Variants in EYS observed in about 807,000 individuals in gnomAD.
The protein encoded by EYS is EGF-like photoreceptor maintenance factor.
Under a neutral mutation model 282.1 loss-of-function variants are expected in EYS, and 250 were observed. The ratio of observed to expected loss-of-function variants is 0.89; its 90% confidence interval spans 0.80 to 0.98. The LOEUF (loss-of-function observed/expected upper bound fraction) is 0.98, where lower values mean the gene tolerates loss of function less well. Ranked by LOEUF, EYS falls within the 50% of genes least tolerant of loss-of-function variation. The pLI, the probability that EYS is intolerant of heterozygous loss-of-function variation, is 0.00. For missense variants in EYS, 4,016 were observed against 3,709.0 expected (o/e 1.08, Z -2.15); for synonymous variants, 1,355 against 1,282.9 (o/e 1.06, Z -1.20).
At chr6:64,281,513 T>C (rs980477183) in intron 30 of EYS, among the ~76,000 whole-genome samples, 1 of 152,134 alleles carries the variant, frequency 6.6e-6, no homozygotes, top group Non-Finnish European at 1.5e-5. Context: ...GTATTTATAG[T>C]AAAGACTGAC....
chr6:64,873,062 T>C (rs1194580299), intron 19 of EYS, among the ~76,000 whole-genome samples: 1 of 152,052 alleles, frequency 6.6e-6, no homozygotes, highest in African/African-American at 2.4e-5. Context: ...TATTAGACTG[T>C]TTTTACACTG....
At chr6:65,547,181 A>G (rs113321133) in intron 2 of EYS, among the ~76,000 whole-genome samples, 1 of 150,622 alleles carries the variant, frequency 6.6e-6, no homozygotes, top group African/African-American at 2.4e-5. Context: ...CTTATGCAAA[A>G]TGTTCTTTAT....
intron 2 of EYS, among the ~76,000 whole-genome samples, chr6:65,512,460 T>C (rs1218910143): frequency 7.1e-6 from 1 of 140,070 alleles, no homozygotes; most frequent in East Asian, 2.1e-4. Context: ...CTGCACTCCA[T>C]CCAGTCTGGG....
At chr6:65,011,932 A>G (rs1771885490) in intron 13 of EYS, among the ~76,000 whole-genome samples, 2 of 152,114 alleles carry the variant, frequency 1.3e-5, no homozygotes, top group Non-Finnish European at 2.9e-5. Flanking sequence ...TTTGTATGGG[A>G]GCTCTGTTTT....
chr6:63,960,944 T>C (rs978991430), intron 35 of EYS, among the ~76,000 whole-genome samples: 1 of 152,188 alleles, frequency 6.6e-6, no homozygotes, highest in African/African-American at 2.4e-5. Context: ...GTTTCCAAGG[T>C]ATGTCTGTAA....
At chr6:64,461,227 C>T (rs1775733971) in intron 26 of EYS, among the ~76,000 whole-genome samples, 1 of 152,134 alleles carries the variant, frequency 6.6e-6, no homozygotes, top group Non-Finnish European at 1.5e-5. Flanking sequence ...TTTTGGTTAT[C>T]TAAAAATCTA....
intron 5 of EYS, among the ~76,000 whole-genome samples, chr6:65,475,554 A>G (rs1217961665): frequency 6.6e-6 from 1 of 152,166 alleles, no homozygotes; most frequent in Non-Finnish European, 1.5e-5. Context: ...CCAGATCATT[A>G]CTTTTCTATG....
Position 65,033,003 on chromosome 6 carries a change from C to G in EYS, c.2137+24611G>C, listed in dbSNP as rs955549059. Among the ~76,000 whole-genome samples, 5 of 152,292 alleles carry G rather than the reference C, an allele frequency of 3.3e-5. No homozygotes were observed. The South Asian group carries it at 1.0e-3, about 32-fold the overall frequency. On this transcript the variant is annotated intron_variant, in intron 13 of 42. Coordinates refer to ENST00000503581, the MANE Select transcript of EYS (RefSeq NM_001142800.2). ...ACTTATTGAGAACTGAAGCAAAGGT[C>G]ACATGTGTTATGCCCTAGCAAAGAG...
intron 2 of EYS, among the ~76,000 whole-genome samples, chr6:65,604,297 A>T (rs902827381): frequency 7.9e-5 from 12 of 151,970 alleles, no homozygotes; most frequent in African/African-American, 2.9e-4. Flanking sequence ...TTCCGATCAC[A>T]TTTGAATTAG....
intron 36 of EYS, among the ~76,000 whole-genome samples, chr6:63,832,205 A>G (rs1401463050): frequency 1.3e-5 from 2 of 152,226 alleles, no homozygotes; most frequent in Non-Finnish European, 2.9e-5. Flanking sequence ...AAGGCAAGAA[A>G]TAACTAAGAT....
intron 12 of EYS, among the ~76,000 whole-genome samples, chr6:65,264,119 A>G (rs1767690311): frequency 1.3e-5 from 2 of 152,066 alleles, no homozygotes; most frequent in Non-Finnish European, 2.9e-5. Context: ...TAAAAAAATT[A>G]ATCAACCTGC....
intron 31 of EYS, among the ~76,000 whole-genome samples, chr6:64,129,642 C>T (rs1392748786): frequency 6.6e-6 from 1 of 152,088 alleles, no homozygotes; most frequent in Non-Finnish European, 1.5e-5. Flanking sequence ...TAATTAGATC[C>T]CATTTGTCAA....
intron 11 of EYS, among the ~76,000 whole-genome samples, chr6:65,323,090 G>A (rs985119469): frequency 2.0e-5 from 3 of 147,736 alleles, no homozygotes; most frequent in African/African-American, 7.6e-5. Flanking sequence ...AATGGATATA[G>A]GAATAAATAC....
intron 31 of EYS, among the ~76,000 whole-genome samples, chr6:64,151,190 C>T (rs764562576): frequency 1.9e-4 from 29 of 150,602 alleles, no homozygotes; most frequent in Middle Eastern, 3.4e-3. Context: ...TATTAAAATA[C>T]TCTGCTGCAT....
intron 41 of EYS, chr6:63,745,071 T>C (rs1386865449): frequency 2.7e-5 from 11 of 406,686 alleles, no homozygotes; most frequent in Non-Finnish European, 5.2e-5. Context: ...AAAAAGAAAA[T>C]AGAAGCTAAA....
intron 30 of EYS, among the ~76,000 whole-genome samples, chr6:64,237,333 T>C (rs1766646684): frequency 6.6e-6 from 1 of 152,182 alleles, no homozygotes; most frequent in African/African-American, 2.4e-5. Context: ...AGGTAATGTA[T>C]AGTAAAGGCT....
intron 29 of EYS, among the ~76,000 whole-genome samples, chr6:64,323,670 T>A (rs980635940): frequency 6.6e-6 from 1 of 152,158 alleles, no homozygotes; most frequent in African/African-American, 2.4e-5. Flanking sequence ...CACACTGATT[T>A]TGGGAAATCA....
chr6:64,692,990 T>TTTTTTTTTTTTG (rs1770444245), intron 22 of EYS, among the ~76,000 whole-genome samples: 1 of 66,516 alleles, frequency 1.5e-5, no homozygotes, highest in Non-Finnish European at 3.7e-5. Flanking sequence ...TTTTTTTTTT[T>TTTTTTTTTTTTG]TTTTTTTTTG....
intron 12 of EYS, among the ~76,000 whole-genome samples, chr6:65,065,157 G>A (rs1365075787): frequency 2.0e-5 from 3 of 152,100 alleles, no homozygotes; most frequent in African/African-American, 7.2e-5. Context: ...TAGAGCAGGT[G>A]TCAATTAATA....
Sources: gnomAD v4.1 joint callset for allele counts (sites outside exome capture counted in the v4.1 genomes callset) on GRCh38, gnomAD v4.1.1 for gene constraint, MANE v1.5 for transcripts, NCBI Gene and HGNC (gene_info 2026-07-23, HGNC 2026-07-21) for gene names.